Variants in SAMD12 observed in about 807,000 individuals in gnomAD.
SAMD12 encodes the protein sterile alpha motif domain-containing protein 12.
A neutral mutation model predicts 15.0 loss-of-function variants in SAMD12; 9 were observed. The ratio of observed to expected loss-of-function variants is 0.60; its 90% CI spans 0.36 to 1.05. The LOEUF (loss-of-function observed/expected upper bound fraction) is 1.05. Ranked by LOEUF, SAMD12 falls within the 50% of genes least tolerant of loss-of-function variation. SAMD12 has a pLI of 0.01. For synonymous variants in SAMD12, 86 were observed against 90.1 expected (o/e 0.96, Z 0.25); for missense variants, 230 against 234.2 (o/e 0.98, Z 0.12).
At chr8:118,583,551 C>G (rs1827348134) in intron 1 of SAMD12, among the ~76,000 whole-genome samples, 1 of 152,056 alleles carries the variant, frequency 6.6e-6, no homozygotes, top group Non-Finnish European at 1.5e-5. Context: ...TACCACTGAA[C>G]TGCTGGTAGA....
chr8:118,571,841 T>C (rs1276709506), intron 2 of SAMD12, among the ~76,000 whole-genome samples: 2 of 152,068 alleles, frequency 1.3e-5, no homozygotes, highest in Admixed American at 6.5e-5. Context: ...GCTAGGACAG[T>C]GAGGAAGGGA....
intron 2 of SAMD12, among the ~76,000 whole-genome samples, chr8:118,498,014 A>G (rs1266844688): frequency 6.6e-6 from 1 of 152,208 alleles, no homozygotes; most frequent in African/African-American, 2.4e-5. Context: ...AAGTGGAAAG[A>G]ATGAAACAAC....
chr8:118,565,742 C>T (rs1826829745), intron 2 of SAMD12, among the ~76,000 whole-genome samples: 1 of 152,036 alleles, frequency 6.6e-6, no homozygotes, highest in African/African-American at 2.4e-5. Context: ...CCTTATTCTC[C>T]CTCTCTCTCT....
chr8:118,496,509 G>T (rs1824614582), intron 2 of SAMD12, among the ~76,000 whole-genome samples: 1 of 152,134 alleles, frequency 6.6e-6, no homozygotes, highest in Non-Finnish European at 1.5e-5. Flanking sequence ...GGGGTAAATG[G>T]ATAGCCATAT....
At chr8:118,319,924 C>G (rs1160210836) in intron 4 of SAMD12, among the ~76,000 whole-genome samples, 1 of 152,122 alleles carries the variant, frequency 6.6e-6, no homozygotes, top group Non-Finnish European at 1.5e-5. Flanking sequence ...TTAGAACTCG[C>G]TAGAGTTAGA....
At chr8:118,461,336 C>T (rs566637595) in intron 2 of SAMD12, among the ~76,000 whole-genome samples, 2 of 152,310 alleles carry the variant, frequency 1.3e-5, no homozygotes, top group African/African-American at 4.8e-5. Flanking sequence ...AACAAAGGTT[C>T]AGATAGCCAA....
At chr8:118,264,225 G>C (rs10955869) in intron 4 of SAMD12, among the ~76,000 whole-genome samples, 50,238 of 151,814 alleles carry the variant, frequency 0.33, 10,226 homozygotes, top group African/African-American at 0.58. Flanking sequence ...TGTTTATGTA[G>C]TACAAATACT....
At chr8:118,428,679 G>A (rs1822310493) in intron 3 of SAMD12, among the ~76,000 whole-genome samples, 1 of 151,976 alleles carries the variant, frequency 6.6e-6, no homozygotes, top group East Asian at 1.9e-4. Flanking sequence ...CCAGTACCCT[G>A]TAGTGAAGAG....
At chr8:118,469,419 A>C (rs1823695481) in intron 2 of SAMD12, among the ~76,000 whole-genome samples, 1 of 131,058 alleles carries the variant, frequency 7.6e-6, no homozygotes, top group Non-Finnish European at 1.6e-5. Flanking sequence ...AAGCACACCT[A>C]TCTTTAACCT....
At chr8:118,504,730 G>T (rs573459719) in intron 2 of SAMD12, among the ~76,000 whole-genome samples, 7 of 152,318 alleles carry the variant, frequency 4.6e-5, no homozygotes, top group African/African-American at 1.7e-4. Flanking sequence ...GACTAAGGAA[G>T]AGAAAACACA....
chr8:118,470,295 T>C (rs1296830096), intron 2 of SAMD12, among the ~76,000 whole-genome samples: 1 of 151,878 alleles, frequency 6.6e-6, no homozygotes, highest in Non-Finnish European at 1.5e-5. Flanking sequence ...ATTACTTAGG[T>C]AATAAAAAAA....
chr8:118,386,655 A>G (rs1439067418), intron 3 of SAMD12, among the ~76,000 whole-genome samples: 1 of 152,144 alleles, frequency 6.6e-6, no homozygotes, highest in Non-Finnish European at 1.5e-5. Flanking sequence ...CCTGCCTAAA[A>G]CAGCACAGAA....
At chr8:118,300,654 C>G (rs1194343639) in intron 4 of SAMD12, among the ~76,000 whole-genome samples, 3 of 152,176 alleles carry the variant, frequency 2.0e-5, no homozygotes, top group Non-Finnish European at 4.4e-5. Flanking sequence ...GAAGACCTAC[C>G]AGATCAGTGG....
At chr8:118,547,161 C>T (rs1054679631) in intron 2 of SAMD12, among the ~76,000 whole-genome samples, 9 of 152,072 alleles carry the variant, frequency 5.9e-5, no homozygotes, top group Non-Finnish European at 8.8e-5. Context: ...GCTTGCCACT[C>T]GTGACCAGGG....
chr8:118,619,732 A>G (rs1448818269), intron 1 of SAMD12, among the ~76,000 whole-genome samples: 1 of 152,136 alleles, frequency 6.6e-6, no homozygotes, highest in Admixed American at 6.5e-5. Context: ...ATTAAGTATG[A>G]TAAGTATTAA....
chr8:118,178,034 C>A, the SAMD12 span, among the ~76,000 whole-genome samples: 2 of 152,310 alleles, frequency 1.3e-5, no homozygotes, highest in Middle Eastern at 3.4e-3. Context: ...CATACGGTGG[C>A]CCAACCTGTC....
At chr8:118,174,284 G>A in the SAMD12 span, among the ~76,000 whole-genome samples, 7 of 152,168 alleles carry the variant, frequency 4.6e-5, no homozygotes, top group Non-Finnish European at 7.3e-5. Flanking sequence ...TGAGACTGAA[G>A]GCTCCCTGTT....
At chr8:118,350,805 T>G (rs887796524) in intron 4 of SAMD12, among the ~76,000 whole-genome samples, 1 of 152,222 alleles carries the variant, frequency 6.6e-6, no homozygotes, top group Admixed American at 6.5e-5. Context: ...TCACAAAATA[T>G]GCGTGCTTTG....
At chr8:118,412,316 T>G (rs181359866) in intron 3 of SAMD12, among the ~76,000 whole-genome samples, 4 of 152,300 alleles carry the variant, frequency 2.6e-5, no homozygotes, top group Admixed American at 2.6e-4. Context: ...GGAAATTTCA[T>G]CTCAACCAGT....
Sources: allele counts gnomAD v4.1 joint callset (sites outside exome capture counted in the v4.1 genomes callset), GRCh38; gene constraint gnomAD v4.1.1; transcripts MANE v1.5; gene names NCBI Gene and HGNC (gene_info 2026-07-23, HGNC 2026-07-21).